TRPM3: variants seen among roughly 807,000 people sequenced by gnomAD.
TRPM3 encodes the protein long transient receptor potential channel 3.
In TRPM3, 77 loss-of-function variants were observed where a neutral mutation model predicts 181.2. That is an observed-to-expected ratio of 0.42 (90% CI 0.35 to 0.51). The LOEUF is 0.51. TRPM3 is among the 20% of genes least tolerant of loss of function. The pLI is 0.01. For synonymous variants in TRPM3, 745 were observed against 796.4 expected (o/e 0.94, Z 1.09); for missense variants, 1,759 against 2,196.7 (o/e 0.80, Z 3.98).
intron 1 of TRPM3, among the ~76,000 whole-genome samples, chr9:71,388,521 T>G (rs1220101318): frequency 6.6e-6 from 1 of 152,158 alleles, no homozygotes; most frequent in Non-Finnish European, 1.5e-5. Context: ...AATGACAGTA[T>G]GAAAAACTTC....
intron 1 of TRPM3, among the ~76,000 whole-genome samples, chr9:70,975,040 T>A (rs1424955824): frequency 6.6e-6 from 1 of 151,838 alleles, no homozygotes; most frequent in Non-Finnish European, 1.5e-5. Context: ...GCTAATTTTT[T>A]GTATTTTTAG....
chr9:70,748,109 G>A (rs1420145164), intron 8 of TRPM3, among the ~76,000 whole-genome samples: 2 of 152,076 alleles, frequency 1.3e-5, no homozygotes, highest in Non-Finnish European at 2.9e-5. Context: ...AAAATTGAGA[G>A]TCTAACATGA....
rs1186601621 is a variant in TRPM3, at chr9:71,121,584, C to T, written c.-230G>A. ...AAGAAGAGGGACAGCCTGCACAAAA[C>T]AGCCTGTGGTCGGAGTCAAAGCAGC... On this transcript the variant is annotated 5_prime_UTR_variant, in exon 1 of 26. Coordinates refer to ENST00000677713, the MANE Select transcript of TRPM3 (RefSeq NM_001366145.2). 3.0e-6 allele frequency: 4 copies of T among 1,313,932 alleles called. No individual in the cohort carries two copies. The highest frequency in any genetic ancestry group is 2.9e-6 in the Non-Finnish European group (3 of 1,032,792). The allele number at this position is 1,313,932 out of a possible 1,614,324, so 81.4% of individuals were successfully genotyped here. A position where few individuals can be genotyped will look rare whatever the true frequency, so the allele number is the denominator to read the frequency against.
At chr9:70,571,869 G>T (rs2052488727) in intron 22 of TRPM3, among the ~76,000 whole-genome samples, 1 of 152,078 alleles carries the variant, frequency 6.6e-6, no homozygotes. Context: ...CTTTGCTTCT[G>T]TCAGAGCAGA....
At chr9:71,099,933 C>T (rs10121545) in intron 1 of TRPM3, among the ~76,000 whole-genome samples, 15,101 of 151,986 alleles carry the variant, frequency 0.099, 1,588 homozygotes, top group African/African-American at 0.27. Flanking sequence ...TGATATCCTA[C>T]CTCCCTATTG....
chr9:71,411,068 A>C (rs1439719061), intron 1 of TRPM3, among the ~76,000 whole-genome samples: 1 of 152,058 alleles, frequency 6.6e-6, no homozygotes, highest in Non-Finnish European at 1.5e-5. Flanking sequence ...CATGCTAAAA[A>C]CTCTCATTAA....
At chr9:71,303,016 A>T (rs2086920908) in intron 1 of TRPM3, among the ~76,000 whole-genome samples, 1 of 152,114 alleles carries the variant, frequency 6.6e-6, no homozygotes, top group African/African-American at 2.4e-5. Flanking sequence ...GACTCTAGGG[A>T]CACTAGCACT....
chr9:71,334,326 A>G (rs941054579), intron 1 of TRPM3, among the ~76,000 whole-genome samples: 5 of 151,716 alleles, frequency 3.3e-5, no homozygotes, highest in African/African-American at 1.2e-4. Context: ...CTAAGGGATT[A>G]TTTTTCCATT....
At chr9:70,690,420 A>G (rs1050775664) in intron 8 of TRPM3, among the ~76,000 whole-genome samples, 1 of 152,016 alleles carries the variant, frequency 6.6e-6, no homozygotes, top group Non-Finnish European at 1.5e-5. Flanking sequence ...AATATTTCCT[A>G]TTTTCCTACT....
chr9:71,164,208 T>C (rs182557162), intron 1 of TRPM3, among the ~76,000 whole-genome samples: 31 of 152,354 alleles, frequency 2.0e-4, no homozygotes, highest in African/African-American at 7.2e-4. Context: ...GCCAGTTTGC[T>C]GAAAGCTAAT....
rs994096903 is a variant in TRPM3, at chr9:71,298,501, A to G, written c.183+148152T>C. ...TTTTTTTTACATATATGAAGATATA[A>G]AAATTTATGGTTTTATACATTTGTT... On this transcript the variant is annotated intron_variant, in intron 1 of 24. Coordinates refer to the TRPM3 transcript ENST00000357533. Among the ~76,000 whole-genome samples the G allele has an allele frequency of 3.3e-5, 5 of 152,100 alleles. 1 individual carries two copies. In the South Asian group the frequency reaches 1.0e-3, roughly 32 times the overall value.
intron 1 of TRPM3, among the ~76,000 whole-genome samples, chr9:70,879,525 G>A (rs968058123): frequency 6.6e-6 from 1 of 151,992 alleles, no homozygotes; most frequent in East Asian, 1.9e-4. Context: ...CTAATAGCGT[G>A]CAGTTATCCT....
At chr9:70,563,704 GGT>G (rs2049757446) in intron 22 of TRPM3, among the ~76,000 whole-genome samples, 1 of 152,170 alleles carries the variant, frequency 6.6e-6, no homozygotes, top group Non-Finnish European at 1.5e-5. Context: ...AGAGAGGGAT[GGT>G]GGAGGAAGGG....
rs143304414 is a variant in TRPM3 at position 70,631,583 on chromosome 9, A to G, written c.1632+3628T>C. Reference sequence around the variant, plus strand: ...GGCACAAAGTGAGCAGACAGCTACTAAAATGGCAGGTTATATTCCACAGAA... The same window carrying G: ...GGCACAAAGTGAGCAGACAGCTACTGAAATGGCAGGTTATATTCCACAGAA... On this transcript the variant is annotated intron_variant, in intron 12 of 25. Transcript: ENST00000677713. Among the ~76,000 whole-genome samples the G allele has an allele frequency of 1.9e-3, 284 of 152,332 alleles. 1 individual carries two copies. Among genetic ancestry groups the G allele is most frequent in the Non-Finnish European group, 3.1e-3 (211 of 68,034 alleles).
intron 1 of TRPM3, among the ~76,000 whole-genome samples, chr9:71,366,258 G>A (rs2092332235): frequency 6.6e-6 from 1 of 152,092 alleles, no homozygotes; most frequent in Non-Finnish European, 1.5e-5. Flanking sequence ...CAAGTACATG[G>A]GCACCTTTAT....
At chr9:70,861,355 G>A (rs1430665488) in intron 3 of TRPM3, among the ~76,000 whole-genome samples, 1 of 152,124 alleles carries the variant, frequency 6.6e-6, no homozygotes, top group Non-Finnish European at 1.5e-5. Context: ...AACTTTGAGG[G>A]ATGCTCTCAC....
chr9:71,023,007 T>C (rs1027833616), intron 1 of TRPM3, among the ~76,000 whole-genome samples: 3 of 152,166 alleles, frequency 2.0e-5, no homozygotes, highest in Non-Finnish European at 2.9e-5. Context: ...TTGAATCTTA[T>C]CAAAATTAAA....
intron 1 of TRPM3, among the ~76,000 whole-genome samples, chr9:71,155,483 T>TTTATTTTATTTTATTTTATC (rs2075950939): frequency 8.6e-6 from 1 of 115,790 alleles, no homozygotes; most frequent in Non-Finnish European, 1.8e-5. Flanking sequence ...CATGCTTATT[T>TTTATTTTATTTTATTTTATC]TTATTTTATT....
chr9:71,032,087 A>AACCT, intron 1 of TRPM3, among the ~76,000 whole-genome samples: 1 of 2,398 alleles, frequency 4.2e-4, no homozygotes, highest in African/African-American at 6.0e-3. Flanking sequence ...TTATATATAT[A>AACCT]TAATTATATA....
Sources: allele counts gnomAD v4.1 joint callset (sites outside exome capture counted in the v4.1 genomes callset), GRCh38; gene constraint gnomAD v4.1.1; transcripts MANE v1.5; gene names NCBI Gene and HGNC (gene_info 2026-07-23, HGNC 2026-07-21).